The following MTRES1 variants were observed in gnomAD, a reference collection of about 807,000 sequenced individuals.
MTRES1 encodes the protein uncharacterized protein C6orf203.
Under a neutral mutation model 17.4 loss-of-function variants are expected in MTRES1, and 11 were observed. That is an observed-to-expected ratio of 0.63 (90% CI 0.40 to 1.05). The LOEUF (loss-of-function observed/expected upper bound fraction) is 1.05, where lower values mean the gene tolerates loss of function less well. Among genes scored for constraint, MTRES1 ranks in the 50% least tolerant of loss-of-function variants. The pLI is 0.00. For synonymous variants in MTRES1, 94 were observed against 99.6 expected, an observed-to-expected ratio of 0.94 and a Z score of 0.34; for missense variants, 268 against 276.2, an observed-to-expected ratio of 0.97 and a Z score of 0.21.
chr6:107,032,167 G>A (rs1554226514), intron 1 of MTRES1, among the ~76,000 whole-genome samples: 2 of 152,128 alleles, frequency 1.3e-5, no homozygotes, highest in Non-Finnish European at 2.9e-5. Context: ...GTGGAGGCAA[G>A]AGGTTTGTGT....
rs1773697696 is a variant in MTRES1, at chr6:107,028,213, A to T, written c.-71A>T. 6.6e-6 allele frequency: 1 copy of T among 152,044 alleles called. No homozygotes were observed. Among genetic ancestry groups the T allele is most frequent in the African/African-American group, 2.4e-5 (1 of 41,412 alleles). 9.4% of individuals were successfully genotyped at this position (152,044 alleles called of 1,614,324 possible). ...GAAGGGGCGGGGCGCAGATAGGGGT[A>T]GCCTGGAGGCCTGCAGTCCGCGCGG... On this transcript the variant is annotated 5_prime_UTR_variant, in exon 1 of 4. Transcript: ENST00000311381.
intron 2 of MTRES1, chr6:107,040,508 G>C: frequency 3.9e-6 from 1 of 258,784 alleles, no homozygotes; most frequent in South Asian, 5.4e-5. Context: ...AGGAGAAAAT[G>C]AATCACCATA....
intron 3 of MTRES1, among the ~76,000 whole-genome samples, chr6:107,048,922 C>T (rs1774493326): frequency 6.6e-6 from 1 of 151,808 alleles, no homozygotes; most frequent in Non-Finnish European, 1.5e-5. Context: ...GTGGTATGAG[C>T]CTTTCTGCTT....
intron 1 of MTRES1, among the ~76,000 whole-genome samples, chr6:107,031,721 C>G (rs1194101274): frequency 2.0e-5 from 3 of 152,116 alleles, no homozygotes; most frequent in South Asian, 2.1e-4. Context: ...GTGCCTCATC[C>G]TACTGAGTAG....
intron 1 of MTRES1, among the ~76,000 whole-genome samples, chr6:107,029,800 C>T (rs1368379051): frequency 6.6e-6 from 1 of 152,072 alleles, no homozygotes; most frequent in Non-Finnish European, 1.5e-5. Flanking sequence ...TATTTTAGAT[C>T]TCACTGTGTT....
chr6:107,040,410 G>C (rs1774162201), intron 2 of MTRES1, 180 bp downstream of exon 2: 1 of 459,028 alleles, frequency 2.2e-6, no homozygotes, highest in Non-Finnish European at 3.7e-6. Context: ...AAGAAGTCAA[G>C]TGACTGCCTG....
In MTRES1 at chr6:107,040,221, T is replaced by G; in HGVS notation, c.461T>G (p.Ile154Ser). Residue 154 changes from isoleucine to serine, a missense_variant, in exon 2 of 4, where the codon ATT becomes AGT. Ile to Ser is a moderately radical substitution (Grantham distance 142, BLOSUM62 -2). Transcript: ENST00000311381. ...GTTGTCCTGAAGACGGGGCTAGATA[T>G]TGGGAGAAAGTGAGTATGATACGCA... ...YDVVLKTGLD[I>S]GRNKVEDAFY... is the part of the protein sequence containing the mutation. The G allele has an allele frequency of 6.3e-7, 1 of 1,588,438 alleles. No homozygotes were observed.
At chr6:107,033,251 A>G (rs782409492) in intron 1 of MTRES1, among the ~76,000 whole-genome samples, 34 of 152,132 alleles carry the variant, frequency 2.2e-4, no homozygotes, top group Non-Finnish European at 4.0e-4. Context: ...TAACAAAAAA[A>G]TGTGTAGTGT....
intron 1 of MTRES1, among the ~76,000 whole-genome samples, chr6:107,036,097 G>A (rs1339345015): frequency 6.6e-6 from 1 of 152,204 alleles, no homozygotes; most frequent in East Asian, 1.9e-4. Context: ...TAATTTAAAT[G>A]TATTATTAAT....
In MTRES1 at chr6:107,039,767, A is replaced by C. The variant is rs1288342761; in HGVS notation, c.7A>C (p.Met3Leu). MAMASVKLLAGVL... is the reference protein window; with the variant it reads MALASVKLLAGVL... ...GTTTCAGATTATAAGCGCCATGGCTATGGCTAGTGTTAAATTGCTTGCCGG... is the reference window on the plus strand; with the variant it reads ...GTTTCAGATTATAAGCGCCATGGCTCTGGCTAGTGTTAAATTGCTTGCCGG... Residue 3 changes from methionine (M) to leucine (L), a missense_variant, in exon 2 of 4, where the codon ATG becomes CTG. Coordinates refer to ENST00000311381, the MANE Select transcript of MTRES1 (RefSeq NM_016487.5). The C allele has an allele frequency of 1.2e-6, 2 of 1,601,052 alleles. No homozygotes were observed. The highest frequency in any genetic ancestry group is 4.5e-5 in the East Asian group (2 of 44,842).
At chr6:107,028,911 T>G in intron 1 of MTRES1, 1 of 983,368 alleles carries the variant, frequency 1.0e-6, no homozygotes, top group Non-Finnish European at 1.2e-6. Context: ...TCTTTTAAAA[T>G]GAACTTCCAT....
At chr6:107,037,657 G>T (rs1426132728) in intron 1 of MTRES1, among the ~76,000 whole-genome samples, 1 of 152,182 alleles carries the variant, frequency 6.6e-6, no homozygotes, top group Non-Finnish European at 1.5e-5. Flanking sequence ...CATTTCTCTT[G>T]AAGGTACTTC....
At chr6:107,044,236 T>TA in intron 2 of MTRES1, 24 bp from the exon 3 acceptor site, 1 of 1,600,976 alleles carries the variant, frequency 6.2e-7, no homozygotes, top group Non-Finnish European at 8.6e-7. Context: ...ATTGTGTACA[T>TA]TGTTGCTTTT....
chr6:107,041,895 T>C (rs1774230889), intron 2 of MTRES1, among the ~76,000 whole-genome samples: 1 of 152,182 alleles, frequency 6.6e-6, no homozygotes, highest in African/African-American at 2.4e-5. Flanking sequence ...CCTTCATTGT[T>C]CATTTATTCC....
intron 3 of MTRES1, among the ~76,000 whole-genome samples, chr6:107,047,743 G>A (rs887735021): frequency 2.6e-5 from 4 of 151,852 alleles, no homozygotes; most frequent in African/African-American, 9.7e-5. Flanking sequence ...AAAGTTACCC[G>A]GGCATGGTGG....
chr6:107,039,943 T>C lies in MTRES1; in HGVS notation c.183T>C (p.Asn61=), dbSNP rs1382891893. ...CAAATTATAAAACACTTTTTTATAA[T>C]ATTTTCTCACTGAGACTCCCAGGGC... ...RAPNYKTLFY[N]IFSLRLPGLL... The change falls in exon 2 of 4, where the codon AAT becomes AAC. Residue 61 remains asparagine, a synonymous_variant. Transcript: ENST00000311381. The C allele has an allele frequency of 2.5e-6, 4 of 1,613,960 alleles. No homozygotes were observed. In the South Asian group the frequency reaches 4.4e-5, roughly 18 times the overall value.
chr6:107,048,404 A>G (rs1774464441), intron 3 of MTRES1, among the ~76,000 whole-genome samples: 1 of 151,604 alleles, frequency 6.6e-6, no homozygotes, highest in Admixed American at 6.6e-5. Context: ...TGCTGGGATT[A>G]CAGGTGTGAG....
At chr6:107,037,513 A>G (rs1159238938) in intron 1 of MTRES1, among the ~76,000 whole-genome samples, 9 of 152,224 alleles carry the variant, frequency 5.9e-5, no homozygotes, top group African/African-American at 1.9e-4. Context: ...CAGCCTGATT[A>G]TGTAAAATTT....
intron 2 of MTRES1, among the ~76,000 whole-genome samples, chr6:107,041,480 A>G (rs955759875): frequency 2.6e-5 from 4 of 152,188 alleles, no homozygotes; most frequent in African/African-American, 9.7e-5. Context: ...AGAAAATACT[A>G]CATATGTTCA....
Sources: allele counts gnomAD v4.1 joint callset (sites outside exome capture counted in the v4.1 genomes callset), GRCh38; gene constraint gnomAD v4.1.1; transcripts MANE v1.5; gene names NCBI Gene and HGNC (gene_info 2026-07-23, HGNC 2026-07-21).